The following RXRA variants were observed in gnomAD, a reference collection of about 807,000 sequenced individuals.
RXRA encodes the protein retinoic acid receptor RXR-alpha.
In RXRA, 5 loss-of-function variants were observed where a neutral mutation model predicts 44.5. That is an observed-to-expected ratio of 0.11 (90% confidence interval 0.06 to 0.24). The LOEUF (loss-of-function observed/expected upper bound fraction) is 0.24, where lower values mean the gene tolerates loss of function less well. Among genes scored for constraint, RXRA ranks in the 10% least tolerant of loss-of-function variants. RXRA has a pLI of 1.00. For missense variants in RXRA, 412 were observed against 646.5 expected, an observed-to-expected ratio of 0.64 and a Z score of 3.93; for synonymous variants, 291 against 271.4, an observed-to-expected ratio of 1.07 and a Z score of -0.71.
rs1281467981 is a variant in RXRA at position 134,366,811 on chromosome 9, T to C, written c.29-34821T>C. Among the ~76,000 whole-genome samples the C allele has an allele frequency of 6.6e-6, 1 of 152,154 alleles. No homozygotes were observed. Among genetic ancestry groups the C allele is most frequent in the Non-Finnish European group, 1.5e-5 (1 of 68,020 alleles). On this transcript the variant is annotated intron_variant, in intron 1 of 9. Transcript: ENST00000481739. This position sits in a 1 kb window ranked among gnomAD's most constrained non-coding sequence, Gnocchi z 5.9. ...GGCCACCCTAAGGTCCACAGATGCC[T>C]GGGGACAAGGATTAGTGTGAGCAAA...
chr9:134,354,797 G>C (rs1554749878), intron 1 of RXRA, among the ~76,000 whole-genome samples: 1 of 152,254 alleles, frequency 6.6e-6, no homozygotes, highest in African/African-American at 2.4e-5. Flanking sequence ...GGCCCTCCAG[G>C]CTCCCCAGGC....
At chr9:134,409,159 GACAA>G (rs777726421) in intron 4 of RXRA, 40 bp downstream of exon 4, 609 of 1,501,268 alleles carry the variant, frequency 4.1e-4, no homozygotes, top group Middle Eastern at 3.3e-3. Context: ...GCAGGTGTTG[GACAA>G]ACAGTGGGGC....
intron 4 of RXRA, among the ~76,000 whole-genome samples, chr9:134,411,492 G>A (rs1169482781): frequency 6.6e-6 from 1 of 152,250 alleles, no homozygotes; most frequent in Non-Finnish European, 1.5e-5. Flanking sequence ...GGGGTATAGA[G>A]AGGTGAGCCG....
rs1830401099 is a variant in RXRA at position 134,365,355 on chromosome 9, T to A, written c.29-36277T>A. Among the ~76,000 whole-genome samples the A allele has an allele frequency of 6.6e-6, 1 of 152,182 alleles. No homozygotes were observed. Among genetic ancestry groups the A allele is most frequent in the Non-Finnish European group, 1.5e-5 (1 of 68,020 alleles). ...GTGAGTGACCAGGCGGCCTTGGGTC[T>A]CTGGTGAGCTCAGGGAGCGGGGTCC... On this transcript the variant is annotated intron_variant, in intron 1 of 9. Transcript: ENST00000481739. This position sits in a 1 kb window ranked among gnomAD's most constrained non-coding sequence, Gnocchi z 4.0.
Position 134,326,678 on chromosome 9 carries a change from G to C in RXRA, c.28+19G>C. The C allele has an allele frequency of 6.7e-6, 6 of 889,726 alleles. No individual in the cohort carries two copies. Among genetic ancestry groups the C allele is most frequent in the Non-Finnish European group, 8.0e-6 (6 of 745,954 alleles). The allele number at this position is 889,726 out of a possible 1,614,324, so 55.1% of individuals were successfully genotyped here. A position where few individuals can be genotyped will look rare whatever the true frequency, so the allele number is the denominator to read the frequency against. The stretch of plus-strand genomic sequence containing the variant: ...CCGCTCGGTGAGTGCTCGCCGGGCC[G>C]GGCGGGGACGGGGCCGGGGGCCGGG... On this transcript the variant is annotated intron_variant, in intron 1 of 9. Coordinates refer to ENST00000481739, the MANE Select transcript of RXRA (RefSeq NM_002957.6).
intron 1 of RXRA, among the ~76,000 whole-genome samples, chr9:134,352,503 C>T (rs1830233689): frequency 6.6e-6 from 1 of 152,186 alleles, no homozygotes; most frequent in African/African-American, 2.4e-5. Context: ...CCCTGCCCAG[C>T]AGTGGGCAGC....
rs996002998 is a variant in RXRA at position 134,407,538 on chromosome 9, G to C, written c.280-611G>C. Among the ~76,000 whole-genome samples the C allele has an allele frequency of 6.6e-6, 1 of 152,340 alleles. No homozygotes were observed. The highest frequency in any genetic ancestry group is 1.9e-4 in the East Asian group (1 of 5,170). On this transcript the variant is annotated intron_variant, in intron 2 of 9. Coordinates refer to ENST00000481739, the MANE Select transcript of RXRA (RefSeq NM_002957.6). The surrounding 1 kb of genome is among the most constrained non-coding windows in gnomAD (Gnocchi z 4.8). ...CGGGCGGCAGCGTGCGGGCCGGCGGGTGGGGCGGAGGGGTGTGCAGAGAGG... is the reference window on the plus strand; with the variant it reads ...CGGGCGGCAGCGTGCGGGCCGGCGGCTGGGGCGGAGGGGTGTGCAGAGAGG...
At chr9:134,429,420 G>A in intron 7 of RXRA, among the ~76,000 whole-genome samples, 180 bp downstream of exon 7, 1 of 152,242 alleles carries the variant, frequency 6.6e-6, no homozygotes, top group East Asian at 1.9e-4. Flanking sequence ...TGCCAGCCCT[G>A]CCTCTGGGGC....
intron 1 of RXRA, among the ~76,000 whole-genome samples, chr9:134,340,969 T>C (rs1564261051): frequency 6.6e-6 from 1 of 152,072 alleles, no homozygotes; most frequent in Non-Finnish European, 1.5e-5. Flanking sequence ...GAAATTGAGG[T>C]CTGAGAGCGG....
chr9:134,354,289 G>GGA (rs2119049367), intron 1 of RXRA, among the ~76,000 whole-genome samples: 1 of 152,312 alleles, frequency 6.6e-6, no homozygotes, highest in African/African-American at 2.4e-5. Context: ...CCTTCTACCG[G>GGA]GAGCTTAGTA....
Position 134,417,890 on chromosome 9 carries a change from C to G in RXRA, c.780+563C>G, listed in dbSNP as rs921141220. ...TGCTGACCCTCCTGCCCCCTCCCAC[C>G]CCAACAGCCTCAAGGGGAGGAGGAT... On this transcript the variant is annotated intron_variant, in intron 5 of 9. Coordinates refer to ENST00000481739, the MANE Select transcript of RXRA (RefSeq NM_002957.6). This position sits in a 1 kb window ranked among gnomAD's most constrained non-coding sequence, Gnocchi z 6.1. Among the ~76,000 whole-genome samples the G allele has an allele frequency of 2.0e-5, 3 of 152,078 alleles. No individual in the cohort carries two copies. The highest frequency in any genetic ancestry group is 7.2e-5 in the African/African-American group (3 of 41,404).
intron 1 of RXRA, among the ~76,000 whole-genome samples, chr9:134,372,789 G>A (rs537866453): frequency 6.6e-6 from 1 of 152,348 alleles, no homozygotes; most frequent in East Asian, 1.9e-4. Flanking sequence ...TGTGGGGCAG[G>A]CGAGTCCTGG....
At chr9:134,420,336 C>T (rs1382351448) in intron 5 of RXRA, among the ~76,000 whole-genome samples, 1 of 152,170 alleles carries the variant, frequency 6.6e-6, no homozygotes, top group East Asian at 1.9e-4. Context: ...GTGCACAGAT[C>T]CGGGAGCCCT....
intron 1 of RXRA, among the ~76,000 whole-genome samples, chr9:134,399,589 C>T (rs916206633): frequency 3.9e-5 from 6 of 152,190 alleles, no homozygotes; most frequent in Non-Finnish European, 7.3e-5. Flanking sequence ...TCCTGCCTGT[C>T]CTCCTCCCAG....
intron 1 of RXRA, among the ~76,000 whole-genome samples, chr9:134,335,474 G>A (rs1829985469): frequency 6.6e-6 from 1 of 152,216 alleles, no homozygotes; most frequent in African/African-American, 2.4e-5. Flanking sequence ...GGGAAGGGAT[G>A]CCCGTGCGGG....
intron 6 of RXRA, among the ~76,000 whole-genome samples, chr9:134,428,621 C>G (rs1384127436): frequency 2.0e-5 from 3 of 152,294 alleles, no homozygotes; most frequent in African/African-American, 7.2e-5. Context: ...ACCTTCCCCC[C>G]TGGGAATCCC....
chr9:134,381,345 A>G (rs1830642261), intron 1 of RXRA, among the ~76,000 whole-genome samples: 1 of 151,944 alleles, frequency 6.6e-6, no homozygotes, highest in Non-Finnish European at 1.5e-5. Context: ...GACCTTAGCT[A>G]GTGCTGACCG....
At chr9:134,353,241 G>A (rs979318324) in intron 1 of RXRA, among the ~76,000 whole-genome samples, 2 of 152,136 alleles carry the variant, frequency 1.3e-5, no homozygotes, top group African/African-American at 4.8e-5. Flanking sequence ...TGGAGGAGGT[G>A]GGCTTGTTTT....
chr9:134,386,875 C>A (rs1289847865), intron 1 of RXRA, among the ~76,000 whole-genome samples: 2 of 152,290 alleles, frequency 1.3e-5, no homozygotes, highest in African/African-American at 4.8e-5. Flanking sequence ...TATGGAGGAC[C>A]CCTTGGGGTC....
Sources: gnomAD v4.1 joint callset for allele counts (sites outside exome capture counted in the v4.1 genomes callset) on GRCh38, gnomAD v4.1.1 for gene constraint, Gnocchi (gnomAD v3.1) non-coding constraint, MANE v1.5 for transcripts, NCBI Gene and HGNC (gene_info 2026-07-23, HGNC 2026-07-21) for gene names.